RGS7: variants seen among roughly 807,000 people sequenced by gnomAD.
RGS7 encodes the protein regulator of G-protein signaling 7.
A neutral mutation model predicts 81.1 loss-of-function variants in RGS7; 27 were observed. The observed-to-expected ratio is 0.33, with a 90% CI of 0.25 to 0.46. The LOEUF (loss-of-function observed/expected upper bound fraction) is 0.46. Ranked by LOEUF, RGS7 falls within the 20% of genes least tolerant of loss-of-function variation. The pLI, the probability that RGS7 is intolerant of heterozygous loss-of-function variation, is 1.00. For synonymous variants in RGS7, 208 were observed against 207.7 expected (o/e 1.00, Z -0.01); for missense variants, 396 against 607.4 (o/e 0.65, Z 3.66).
intron 2 of RGS7, among the ~76,000 whole-genome samples, chr1:241,277,262 A>G (rs1219303668): frequency 1.3e-5 from 2 of 152,206 alleles, no homozygotes; most frequent in African/African-American, 2.4e-5. Context: ...TTGAAGTCAA[A>G]TAAGTTTACC....
intron 2 of RGS7, among the ~76,000 whole-genome samples, chr1:241,298,017 T>C (rs1352109284): frequency 1.3e-5 from 2 of 152,184 alleles, no homozygotes; most frequent in Non-Finnish European, 2.9e-5. Context: ...AATATATTAA[T>C]ACTTTTTTTA....
intron 6 of RGS7, among the ~76,000 whole-genome samples, chr1:240,894,799 T>C (rs1028637895): frequency 1.3e-5 from 2 of 152,186 alleles, no homozygotes; most frequent in Non-Finnish European, 2.9e-5. Flanking sequence ...TGGTTTCTCA[T>C]TTTCGTTGCT....
intron 2 of RGS7, among the ~76,000 whole-genome samples, chr1:241,235,739 T>C (rs547103228): frequency 6.7e-5 from 10 of 148,624 alleles, no homozygotes; most frequent in South Asian, 2.1e-4. Context: ...TTCCTTCTCT[T>C]TCTCTCTCTC....
At position 240,960,546 on chromosome 1, in the gene RGS7, CTTTTTTT is replaced by C. The variant is rs5782170; in HGVS notation, c.226+22526_226+22532del. On this transcript the variant is annotated intron_variant, in intron 4 of 18. Coordinates refer to ENST00000440928, the MANE Select transcript of RGS7 (RefSeq NM_001364886.1). ...CGTGAGCCACTGTGCCTGGGCTGTT[CTTTTTTT>C]TTTTTTTTTTTTTTCCCAGAAGTCT... Among the ~76,000 whole-genome samples, 4 of 113,694 alleles carry C rather than the reference CTTTTTTT, an allele frequency of 3.5e-5. No homozygotes were observed. The South Asian group carries it at 1.2e-3, about 33-fold the overall frequency. 74.6% of individuals were successfully genotyped at this position (113,694 alleles called of 152,430 possible).
chr1:241,294,328 C>A (rs1232829852), intron 2 of RGS7, among the ~76,000 whole-genome samples: 3 of 151,850 alleles, frequency 2.0e-5, no homozygotes, highest in Non-Finnish European at 4.4e-5. Flanking sequence ...TGCATGGGGG[C>A]TTAAAACCTA....
intron 2 of RGS7, among the ~76,000 whole-genome samples, chr1:241,130,928 A>AT: frequency 1.3e-5 from 1 of 77,764 alleles, no homozygotes; most frequent in African/African-American, 7.8e-5. Flanking sequence ...GCTTAATTAC[A>AT]AAAAAAAAAA....
chr1:240,833,545 T>C (rs1694196807), intron 9 of RGS7, among the ~76,000 whole-genome samples: 1 of 152,172 alleles, frequency 6.6e-6, no homozygotes, highest in South Asian at 2.1e-4. Flanking sequence ...TGACTTACTA[T>C]ATTTTTGGCT....
chr1:240,804,900 T>C (rs1433045397), intron 15 of RGS7, among the ~76,000 whole-genome samples: 2 of 152,212 alleles, frequency 1.3e-5, no homozygotes, highest in African/African-American at 2.4e-5. Flanking sequence ...CAAGGAGAAA[T>C]ATATTTTCTA....
intron 3 of RGS7, chr1:240,998,498 T>G: frequency 9.6e-7 from 1 of 1,046,046 alleles, no homozygotes; most frequent in South Asian, 1.3e-5. Flanking sequence ...GGATTCTTCT[T>G]TCTTTGCTTC....
rs1234727119 is a variant in RGS7, at chr1:240,889,066, CT to C, written c.386-18948del. Among the ~76,000 whole-genome samples, 4 of 152,222 alleles carry C rather than the reference CT, an allele frequency of 2.6e-5. No individual in the cohort carries two copies. The East Asian group carries it at 5.8e-4, about 22-fold the overall frequency. On this transcript the variant is annotated intron_variant, in intron 6 of 18. Coordinates refer to ENST00000440928, the MANE Select transcript of RGS7 (RefSeq NM_001364886.1). ...CACCTCCCGGGTTCAAGCGATTCTC[CT>C]TGCCTCAGCGTCCCAAGCAGCTGGG...
At position 241,125,429 on chromosome 1, in the gene RGS7, C is replaced by G. The variant is rs12037279; in HGVS notation, c.79-26667G>C. Among the ~76,000 whole-genome samples, 239 of 40,048 alleles carry G rather than the reference C, an allele frequency of 6.0e-3. 2 individuals carry two copies. In the African/African-American group the frequency reaches 0.12, roughly 21 times the overall value. The allele number at this position is 40,048 out of a possible 152,430, so 26.3% of individuals were successfully genotyped here. On this transcript the variant is annotated intron_variant, in intron 2 of 18. Coordinates refer to ENST00000440928, the MANE Select transcript of RGS7 (RefSeq NM_001364886.1). ...TACCCGACATGCACAAAGACATGGACACACACACACACACACACACACACA... is the reference window on the plus strand; with the variant it reads ...TACCCGACATGCACAAAGACATGGAGACACACACACACACACACACACACA...
At chr1:240,958,672 G>C (rs192123201) in intron 4 of RGS7, among the ~76,000 whole-genome samples, 1 of 152,238 alleles carries the variant, frequency 6.6e-6, no homozygotes, top group African/African-American at 2.4e-5. Context: ...AGTCAAACTG[G>C]ATCACTTAGT....
chr1:240,908,973 G>A (rs1468526373), intron 6 of RGS7, among the ~76,000 whole-genome samples: 1 of 152,200 alleles, frequency 6.6e-6, no homozygotes, highest in Non-Finnish European at 1.5e-5. Flanking sequence ...AAATTTGCTT[G>A]TTAATAAAAT....
At chr1:241,243,773 T>C (rs1445145059) in intron 2 of RGS7, among the ~76,000 whole-genome samples, 2 of 152,222 alleles carry the variant, frequency 1.3e-5, no homozygotes, top group African/African-American at 4.8e-5. Context: ...CACCTTATTT[T>C]AATGGGAAGG....
intron 3 of RGS7, among the ~76,000 whole-genome samples, chr1:241,018,656 T>TG (rs1298245701): frequency 6.6e-6 from 1 of 151,818 alleles, no homozygotes; most frequent in African/African-American, 2.4e-5. Context: ...GGAGCGGAGG[T>TG]GGGGGGCATT....
In RGS7 at chr1:241,300,925, G is replaced by A. The variant is rs117703168; in HGVS notation, c.78+54774C>T. On this transcript the variant is annotated intron_variant, in intron 2 of 18. Transcript: ENST00000440928. ...CTCTACATTCTTGCCAACATTCAGC[G>A]TTGTCAGTGTTTTGGAGTTTGGCCA... Among the ~76,000 whole-genome samples, 222 of 152,306 alleles carry A rather than the reference G, an allele frequency of 1.5e-3. 1 individual carries two copies. Among genetic ancestry groups the A allele is most frequent in the East Asian group, 0.014 (74 of 5,184 alleles).
intron 2 of RGS7, among the ~76,000 whole-genome samples, chr1:241,197,687 A>G (rs1012078518): frequency 1.3e-5 from 2 of 151,950 alleles, no homozygotes; most frequent in African/African-American, 4.8e-5. Flanking sequence ...CAGTTAATAA[A>G]TAGTGTCAGA....
chr1:241,274,328 C>T (rs1024914509), intron 2 of RGS7, among the ~76,000 whole-genome samples: 3 of 152,074 alleles, frequency 2.0e-5, no homozygotes, highest in African/African-American at 7.2e-5. Flanking sequence ...AACTAGACAC[C>T]TAATTGGTAG....
At chr1:240,986,229 A>G (rs1558560486) in intron 3 of RGS7, among the ~76,000 whole-genome samples, 1 of 152,164 alleles carries the variant, frequency 6.6e-6, no homozygotes, top group Non-Finnish European at 1.5e-5. Context: ...TCCTAGCAGT[A>G]TATTATTTAA....
Sources: gnomAD v4.1 joint callset for allele counts (sites outside exome capture counted in the v4.1 genomes callset) on GRCh38, gnomAD v4.1.1 for gene constraint, MANE v1.5 for transcripts, NCBI Gene and HGNC (gene_info 2026-07-23, HGNC 2026-07-21) for gene names.